Variants in CUX1 observed in about 807,000 individuals in gnomAD.
CUX1 encodes the protein cut like homeobox 1, also known as protein CASP.
CUX1 carries 31 observed loss-of-function variants against 158.8 expected under a neutral mutation model. The ratio of observed to expected loss-of-function variants is 0.20; its 90% confidence interval spans 0.15 to 0.26. The LOEUF (loss-of-function observed/expected upper bound fraction) is 0.26. Ranked by LOEUF, CUX1 falls within the 10% of genes least tolerant of loss-of-function variation. CUX1 has a pLI of 1.00. For missense variants in CUX1, 1,589 were observed against 2,014.6 expected, an observed-to-expected ratio of 0.79 and a Z score of 4.04; for synonymous variants, 879 against 862.1, an observed-to-expected ratio of 1.02 and a Z score of -0.34.
chr7:102,078,716 T>C (rs781858376), intron 4 of CUX1, among the ~76,000 whole-genome samples: 2 of 152,204 alleles, frequency 1.3e-5, no homozygotes, highest in Non-Finnish European at 2.9e-5. Flanking sequence ...TTTATTTCCA[T>C]AGGTTAACTG....
At chr7:102,132,328 C>T (rs201272050) in intron 8 of CUX1, among the ~76,000 whole-genome samples, 2 of 1,362 alleles carry the variant, frequency 1.5e-3, no homozygotes, top group Admixed American at 0.026. Flanking sequence ...CGCGCGCACG[C>T]CACGCACACA....
At chr7:101,831,790 C>T (rs911250247) in intron 1 of CUX1, among the ~76,000 whole-genome samples, 5 of 147,978 alleles carry the variant, frequency 3.4e-5, no homozygotes. Context: ...CGCCCAGGCT[C>T]CAGTACAGTG....
chr7:101,869,021 T>A lies in CUX1; in HGVS notation c.31-47094T>A, dbSNP rs557885544. Among the ~76,000 whole-genome samples, 25 of 152,244 alleles carry A rather than the reference T, an allele frequency of 1.6e-4. No individual in the cohort carries two copies. The highest frequency in any genetic ancestry group is 5.3e-4 in the African/African-American group (22 of 41,558). On this transcript the variant is annotated intron_variant, in intron 1 of 23. Coordinates refer to ENST00000292535, the MANE Select transcript of CUX1 (RefSeq NM_181552.4). This position sits in a 1 kb window ranked among gnomAD's most constrained non-coding sequence, Gnocchi z 4.5. Reference sequence around the variant, plus strand: ...TCTGGGCCATGCCCTGGGAGACGCTTCCGCAGGAGATGGTGCGGCTGGGGT... The same window carrying A: ...TCTGGGCCATGCCCTGGGAGACGCTACCGCAGGAGATGGTGCGGCTGGGGT...
chr7:101,919,698 G>T (rs575304436), intron 2 of CUX1, among the ~76,000 whole-genome samples: 3 of 152,358 alleles, frequency 2.0e-5, no homozygotes, highest in African/African-American at 7.2e-5. Context: ...CCACAGGGAG[G>T]ATTAGGCACC....
At chr7:101,976,900 ATTTTTTTTTTTTTT>A (rs10643207) in intron 2 of CUX1, among the ~76,000 whole-genome samples, 2 of 39,464 alleles carry the variant, frequency 5.1e-5, no homozygotes, top group Non-Finnish European at 8.4e-5. Context: ...TCCCTTTCTG[ATTTTTTTTTTTTTT>A]TTTTTTTTTT....
In CUX1 at chr7:102,248,187, G is replaced by A. The variant is rs1801019519; in HGVS notation, c.3888-225G>A. ...CAATTTGTTGCAGTGGAGAATAGGG[G>A]AGTGGTGTCCCAGCCCTGGGATGGC... On this transcript the variant is annotated intron_variant, in intron 23 of 23. Coordinates refer to ENST00000292535, the MANE Select transcript of CUX1 (RefSeq NM_181552.4). This position sits in a 1 kb window ranked among gnomAD's most constrained non-coding sequence, Gnocchi z 5.8. 6.6e-6 allele frequency among the ~76,000 whole-genome samples: 1 copy of A among 152,178 alleles called. No homozygotes were observed. Among genetic ancestry groups the A allele is most frequent in the Non-Finnish European group, 1.5e-5 (1 of 68,034 alleles).
rs75104200 is a variant in CUX1 at position 102,283,839 on chromosome 7, A to T, written c.*749A>T. ...GTCTGAACGTCTCCTAGCCAATCAG[A>T]ACTGGCTGTGGACCACCCTAGCACG... On this transcript the variant is annotated 3_prime_UTR_variant, in exon 23 of 23. Transcript: ENST00000292538. 9.0e-3 allele frequency: 1,365 copies of T among 152,446 alleles called. 7 individuals carry two copies. Among genetic ancestry groups the T allele is most frequent in the Non-Finnish European group, 0.014 (935 of 68,112 alleles). 9.4% of individuals were successfully genotyped at this position (152,446 alleles called of 1,614,324 possible). A position where few individuals can be genotyped will look rare whatever the true frequency, so the allele number is the denominator to read the frequency against.
chr7:102,035,110 A>T (rs1585358692), intron 3 of CUX1, among the ~76,000 whole-genome samples: 1 of 152,086 alleles, frequency 6.6e-6, no homozygotes, highest in African/African-American at 2.4e-5. Flanking sequence ...AAAACCAGGA[A>T]CAAGACAAGA....
At chr7:102,159,432 G>A (rs1790164687) in intron 9 of CUX1, among the ~76,000 whole-genome samples, 1 of 152,204 alleles carries the variant, frequency 6.6e-6, no homozygotes, top group South Asian at 2.1e-4. Flanking sequence ...TTAACCATTA[G>A]CGTACTTTTG....
intron 18 of CUX1, among the ~76,000 whole-genome samples, chr7:102,278,714 TAA>T (rs1791815463): frequency 7.3e-6 from 1 of 137,748 alleles, no homozygotes; most frequent in South Asian, 2.3e-4. Flanking sequence ...AATAGTAAAG[TAA>T]AATAAAATAA....
chr7:102,064,303 G>A (rs773118712), intron 3 of CUX1, among the ~76,000 whole-genome samples: 3 of 152,088 alleles, frequency 2.0e-5, no homozygotes, highest in Non-Finnish European at 4.4e-5. Flanking sequence ...TCCCACCTTG[G>A]CCTCCCAAAG....
chr7:101,836,020 G>A (rs569253270), intron 1 of CUX1, among the ~76,000 whole-genome samples: 11 of 152,266 alleles, frequency 7.2e-5, no homozygotes, highest in Non-Finnish European at 1.2e-4. Context: ...GAGCCACCGC[G>A]CCCAGTTGCT....
At chr7:102,062,843 G>T (rs1416681129) in intron 3 of CUX1, among the ~76,000 whole-genome samples, 1 of 151,862 alleles carries the variant, frequency 6.6e-6, no homozygotes, top group Non-Finnish European at 1.5e-5. Flanking sequence ...GGTGGCTCAT[G>T]CCTGTAATCC....
intron 2 of CUX1, among the ~76,000 whole-genome samples, chr7:101,969,982 CAAAAAAAAA>C (rs34167642): frequency 1.3e-4 from 7 of 55,658 alleles, no homozygotes; most frequent in African/African-American, 2.3e-4. Flanking sequence ...GAGTTAGCAC[CAAAAAAAAA>C]AAAAAAAAAA....
chr7:102,067,986 A>G (rs575022572), intron 3 of CUX1, among the ~76,000 whole-genome samples: 1 of 151,956 alleles, frequency 6.6e-6, no homozygotes, highest in East Asian at 2.0e-4. Flanking sequence ...GCGCCACTGC[A>G]CTCCAGCCTG....
intron 2 of CUX1, among the ~76,000 whole-genome samples, chr7:101,928,184 T>TA (rs1270799118): frequency 6.6e-6 from 1 of 152,178 alleles, no homozygotes; most frequent in Admixed American, 6.5e-5. Flanking sequence ...TCTAAGCCTC[T>TA]ATTTTCTTAT....
intron 8 of CUX1, among the ~76,000 whole-genome samples, chr7:102,152,804 C>T (rs117089636): frequency 0.036 from 5,514 of 152,272 alleles, 147 homozygotes; most frequent in Non-Finnish European, 0.05. Context: ...GCAGCCCCTC[C>T]GAGCCTGGCT....
intron 3 of CUX1, among the ~76,000 whole-genome samples, chr7:102,030,883 G>T (rs1001006899): frequency 6.6e-6 from 1 of 151,662 alleles, no homozygotes; most frequent in Non-Finnish European, 1.5e-5. Context: ...TTTATTTTTA[G>T]TAGAGACGAG....
At chr7:102,004,200 G>A (rs1817053086) in intron 2 of CUX1, among the ~76,000 whole-genome samples, 1 of 152,186 alleles carries the variant, frequency 6.6e-6, no homozygotes, top group Admixed American at 6.5e-5. Flanking sequence ...TTACCACATG[G>A]TTTGATTTGC....
Sources: gnomAD v4.1 joint callset for allele counts (sites outside exome capture counted in the v4.1 genomes callset) on GRCh38, gnomAD v4.1.1 for gene constraint, Gnocchi (gnomAD v3.1) non-coding constraint, MANE v1.5 for transcripts, NCBI Gene and HGNC (gene_info 2026-07-23, HGNC 2026-07-21) for gene names.